VTI1A: variants seen among roughly 807,000 people sequenced by gnomAD.
VTI1A encodes the protein vesicle transport through interaction with t-SNAREs homolog 1A.
In VTI1A, 22 loss-of-function variants were observed where a neutral mutation model predicts 34.9. The ratio of observed to expected loss-of-function variants is 0.63; its 90% CI spans 0.45 to 0.90. The LOEUF is 0.90. Among genes scored for constraint, VTI1A ranks in the 40% least tolerant of loss-of-function variants. The pLI is 0.00. For missense variants in VTI1A, 268 were observed against 275.6 expected (o/e 0.97, Z 0.20); for synonymous variants, 87 against 97.3 (o/e 0.89, Z 0.62).
At chr10:112,606,374 C>T (rs1294183731) in intron 5 of VTI1A, among the ~76,000 whole-genome samples, 1 of 152,134 alleles carries the variant, frequency 6.6e-6, no homozygotes, top group East Asian at 1.9e-4. Flanking sequence ...ATCAAGTCTT[C>T]ATGCCCTCAC....
intron 1 of VTI1A, among the ~76,000 whole-genome samples, chr10:112,451,673 C>T (rs75353206): frequency 0.023 from 3,548 of 152,252 alleles, 298 homozygotes; most frequent in Admixed American, 0.16. Context: ...ATTGGTTATG[C>T]CAAGCCCTGG....
the VTI1A span, among the ~76,000 whole-genome samples, chr10:112,853,080 G>C: frequency 1.3e-4 from 20 of 152,270 alleles, no homozygotes; most frequent in Admixed American, 3.3e-4. Context: ...CACCGCGCCC[G>C]GCCAGGGCTG....
chr10:112,637,915 TA>T (rs990794299), intron 5 of VTI1A, among the ~76,000 whole-genome samples: 3 of 152,202 alleles, frequency 2.0e-5, no homozygotes, highest in African/African-American at 4.8e-5. Flanking sequence ...TTTAGATGTG[TA>T]AAAACTGTTT....
At chr10:112,759,546 A>G (rs1006900517) in intron 7 of VTI1A, among the ~76,000 whole-genome samples, 1 of 152,220 alleles carries the variant, frequency 6.6e-6, no homozygotes, top group South Asian at 2.1e-4. Context: ...TGGAAACACA[A>G]CGGACACAGT....
At chr10:112,573,281 C>T in intron 5 of VTI1A, among the ~76,000 whole-genome samples, 1 of 152,004 alleles carries the variant, frequency 6.6e-6, no homozygotes, top group Admixed American at 6.5e-5. Flanking sequence ...CTCTATTATC[C>T]GAAATAAACT....
At chr10:112,830,490 C>T in the VTI1A span, among the ~76,000 whole-genome samples, 1 of 151,430 alleles carries the variant, frequency 6.6e-6, no homozygotes, top group Non-Finnish European at 1.5e-5. Flanking sequence ...TTCCCTGAAC[C>T]TTCCTCCAAT....
rs778802494 is a variant in VTI1A, at chr10:112,736,111, G to GTGTATATATATA, written c.560+67114_560+67115insGTATATATATAT. On this transcript the variant is annotated intron_variant, in intron 7 of 7. Coordinates refer to ENST00000393077, the MANE Select transcript of VTI1A (RefSeq NM_145206.4). ...ATATTTTACATATATATGTGTGTGT[G>GTGTATATATATA]TATATATATATATATATATATATAT... Among the ~76,000 whole-genome samples the GTGTATATATATA allele has an allele frequency of 2.7e-3, 315 of 116,158 alleles. 8 individuals are homozygous for GTGTATATATATA. The highest frequency in any genetic ancestry group is 0.011 in the African/African-American group (293 of 26,714). The allele number at this position is 116,158 out of a possible 152,430, so 76.2% of individuals were successfully genotyped here.
At chr10:112,763,976 A>G (rs1330804757) in intron 7 of VTI1A, among the ~76,000 whole-genome samples, 4 of 152,184 alleles carry the variant, frequency 2.6e-5, no homozygotes, top group African/African-American at 7.2e-5. Flanking sequence ...CATCCCAAGA[A>G]TATGTACAGT....
chr10:112,849,917 A>G, the VTI1A span, among the ~76,000 whole-genome samples: 65 of 152,096 alleles, frequency 4.3e-4, no homozygotes, highest in Non-Finnish European at 4.7e-4. Context: ...AGTTCTTCCT[A>G]AGGGGAGAGC....
chr10:112,509,572 C>A (rs963974836), intron 3 of VTI1A, among the ~76,000 whole-genome samples: 12 of 152,168 alleles, frequency 7.9e-5, no homozygotes, highest in African/African-American at 1.4e-4. Context: ...ATGTTCATCT[C>A]TGGGTCTAAC....
intron 5 of VTI1A, chr10:112,548,889 C>A: frequency 7.1e-6 from 9 of 1,270,226 alleles, no homozygotes; most frequent in Non-Finnish European, 8.8e-6. Flanking sequence ...TTTAAAAAAT[C>A]ATTTTAGAAG....
intron 7 of VTI1A, among the ~76,000 whole-genome samples, chr10:112,727,398 C>T (rs1301190265): frequency 6.6e-6 from 1 of 150,644 alleles, no homozygotes; most frequent in Non-Finnish European, 1.5e-5. Context: ...GAAGAAACCA[C>T]ATTTATTCCC....
At chr10:112,511,184 G>A (rs150630657) in intron 3 of VTI1A, among the ~76,000 whole-genome samples, 8 of 151,520 alleles carry the variant, frequency 5.3e-5, no homozygotes, top group South Asian at 2.1e-4. Context: ...TTTTGTTAGC[G>A]TTTTGCTCCA....
chr10:112,489,719 G>A (rs1015489927), intron 3 of VTI1A, among the ~76,000 whole-genome samples: 2 of 152,156 alleles, frequency 1.3e-5, no homozygotes, highest in Non-Finnish European at 1.5e-5. Context: ...GATAATTAGA[G>A]TTCATATGCT....
intron 7 of VTI1A, among the ~76,000 whole-genome samples, chr10:112,755,551 CAG>C (rs1464448407): frequency 2.0e-5 from 3 of 152,188 alleles, no homozygotes; most frequent in Non-Finnish European, 2.9e-5. Context: ...CGCCCATAAA[CAG>C]ATTACAGAAC....
chr10:112,568,233 T>C (rs535390164), intron 5 of VTI1A, among the ~76,000 whole-genome samples: 26 of 152,142 alleles, frequency 1.7e-4, no homozygotes, highest in African/African-American at 5.8e-4. Context: ...TAAAATGTGA[T>C]GGTTGGCTCA....
intron 7 of VTI1A, among the ~76,000 whole-genome samples, chr10:112,740,303 T>C (rs1392932874): frequency 6.6e-6 from 1 of 152,178 alleles, no homozygotes; most frequent in African/African-American, 2.4e-5. Context: ...TCTTTCTTTC[T>C]TTTTGAGACA....
chr10:112,473,405 C>T (rs1019678700), intron 3 of VTI1A, among the ~76,000 whole-genome samples: 5 of 152,028 alleles, frequency 3.3e-5, no homozygotes, highest in Admixed American at 1.3e-4. Context: ...CCACTGCGCC[C>T]GTCCCACATT....
chr10:112,577,358 G>A lies in VTI1A; in HGVS notation c.427+39028G>A, dbSNP rs11196000. Among the ~76,000 whole-genome samples the A allele has an allele frequency of 9.2e-5, 14 of 152,080 alleles. No homozygotes were observed. The South Asian group carries it at 1.3e-3, about 14-fold the overall frequency. ...AATTTTTTATTACATATCCTTATCC[G>A]CATGAGTTAGACATACCAGTCAAGC... On this transcript the variant is annotated intron_variant, in intron 5 of 7. Transcript: ENST00000393077.
Sources: gnomAD v4.1 joint callset for allele counts (sites outside exome capture counted in the v4.1 genomes callset) on GRCh38, gnomAD v4.1.1 for gene constraint, MANE v1.5 for transcripts, NCBI Gene and HGNC (gene_info 2026-07-23, HGNC 2026-07-21) for gene names.